Variants in GAPVD1 observed in about 807,000 individuals in gnomAD.
GAPVD1 encodes GTPase activating protein and VPS9 domains 1.
GAPVD1 carries 35 observed loss-of-function variants against 155.5 expected under a neutral mutation model. The observed-to-expected ratio is 0.23, with a 90% confidence interval of 0.17 to 0.30. The LOEUF is 0.30. Ranked by LOEUF, GAPVD1 falls within the 10% of genes least tolerant of loss-of-function variation. The pLI, the probability that GAPVD1 is intolerant of heterozygous loss-of-function variation, is 1.00. For missense variants in GAPVD1, 1,429 were observed against 1,775.7 expected (o/e 0.80, Z 3.51); for synonymous variants, 636 against 619.7 (o/e 1.03, Z -0.39).
chr9:125,332,424 T>C lies in GAPVD1; in HGVS notation c.2309-86T>C, dbSNP rs1049163783. On this transcript the variant is annotated intron_variant, in intron 14 of 27. Transcript: ENST00000297933. Reference sequence around the variant, plus strand: ...AGAACTGGGACACAAAATTCGAGAATGTTTCAGTTTCTCCAAATTTCATAT... The same window carrying C: ...AGAACTGGGACACAAAATTCGAGAACGTTTCAGTTTCTCCAAATTTCATAT... 2.0e-5 allele frequency: 22 copies of C among 1,097,626 alleles called. No individual in the cohort carries two copies. In the African/African-American group the frequency reaches 2.2e-4, roughly 11 times the overall value. 68.0% of individuals were successfully genotyped at this position (1,097,626 alleles called of 1,614,324 possible).
chr9:125,331,874 G>T, intron 13 of GAPVD1, 52 bp from the exon 14 acceptor site: 1 of 1,574,590 alleles, frequency 6.4e-7, no homozygotes, highest in Non-Finnish European at 8.7e-7. Flanking sequence ...AGCTGAAATT[G>T]TGGTGTGCTA....
At chr9:125,336,949 C>A in intron 15 of GAPVD1, 69 bp from the exon 16 acceptor site, 1 of 862,722 alleles carries the variant, frequency 1.2e-6, no homozygotes, top group East Asian at 2.4e-5. Context: ...TACTTAAAAC[C>A]CTTTAAACTG....
chr9:125,265,541 G>C (rs923663217), intron 1 of GAPVD1, among the ~76,000 whole-genome samples: 1 of 151,066 alleles, frequency 6.6e-6, no homozygotes, highest in East Asian at 2.0e-4. Flanking sequence ...CTCCCTCCTG[G>C]GCTGGGACTA....
chr9:125,345,038 C>T (rs569980006), intron 19 of GAPVD1, among the ~76,000 whole-genome samples: 2 of 152,164 alleles, frequency 1.3e-5, no homozygotes, highest in African/African-American at 2.4e-5. Context: ...CTTGCCCCCC[C>T]ACTTCATACC....
rs981169068 is a variant in GAPVD1 at position 125,338,549 on chromosome 9, C to T, written c.2877+958C>T. Reference sequence around the variant, plus strand: ...CTCAGTTTTTTCTTGACTCATATGACCTGGACGCTCTTGAAATTTACAGGC... The same window carrying T: ...CTCAGTTTTTTCTTGACTCATATGATCTGGACGCTCTTGAAATTTACAGGC... On this transcript the variant is annotated intron_variant, in intron 17 of 27. Transcript: ENST00000297933. 2.6e-5 allele frequency among the ~76,000 whole-genome samples: 4 copies of T among 152,170 alleles called. No homozygotes were observed. The South Asian group carries it at 6.2e-4, about 24-fold the overall frequency.
At chr9:125,322,221 C>A (rs920938808) in intron 10 of GAPVD1, among the ~76,000 whole-genome samples, 4 of 152,104 alleles carry the variant, frequency 2.6e-5, no homozygotes, top group Non-Finnish European at 1.5e-5. Context: ...CCCGCCACCA[C>A]GCCTGGCTAA....
At chr9:125,319,349 G>A (rs1488326494) in intron 9 of GAPVD1, among the ~76,000 whole-genome samples, 1 of 146,080 alleles carries the variant, frequency 6.8e-6, no homozygotes, top group Non-Finnish European at 1.5e-5. Flanking sequence ...ACTCCAGCCT[G>A]GGCGACAGAA....
At chr9:125,354,905 T>C (rs368652477) in intron 24 of GAPVD1, 64 bp downstream of exon 24, 2 of 1,162,008 alleles carry the variant, frequency 1.7e-6, no homozygotes, top group East Asian at 4.7e-5. Flanking sequence ...GATTTAGAAA[T>C]ACTGTTTTGT....
chr9:125,274,507 A>G (rs936441212), intron 2 of GAPVD1, among the ~76,000 whole-genome samples: 2 of 139,230 alleles, frequency 1.4e-5, no homozygotes. Flanking sequence ...CTTGTTGCCC[A>G]GGCTGGAGTG....
intron 2 of GAPVD1, among the ~76,000 whole-genome samples, chr9:125,276,655 C>T (rs1168285324): frequency 6.6e-6 from 1 of 152,200 alleles, no homozygotes; most frequent in Non-Finnish European, 1.5e-5. Context: ...CACCATTGCA[C>T]TCTAGCCTGG....
intron 10 of GAPVD1, 132 bp downstream of exon 10, chr9:125,321,694 A>G: frequency 2.6e-6 from 2 of 772,318 alleles, no homozygotes; most frequent in Non-Finnish European, 4.1e-6. Flanking sequence ...GATTTCCTCT[A>G]ATGAGCCTGA....
chr9:125,335,833 A>G (rs568820915), intron 15 of GAPVD1, among the ~76,000 whole-genome samples: 13 of 152,184 alleles, frequency 8.5e-5, no homozygotes, highest in African/African-American at 1.7e-4. Context: ...AACAAAAGCT[A>G]TTAGGGTCAG....
At position 125,350,300 on chromosome 9, in the gene GAPVD1, CA is replaced by C; in HGVS notation, c.3311del (p.Lys1104ArgfsTer3). ...PQDSAFSYRDAKKKLRLALCS... is the reference protein window; with the variant it reads ...PQDSAFSYRDXKKKLRLALCS... ...ATTTTCTACTCATTTTTCAGAGATG[CA>C]AAAAAGAAACTGAGGCTTGCTCTTT... On this transcript the variant is annotated frameshift_variant, in exon 22 of 28. Transcript: ENST00000297933. LOFTEE classifies it high-confidence loss of function. 1.9e-6 allele frequency: 3 copies of C among 1,575,648 alleles called. No homozygotes were observed. The highest frequency in any genetic ancestry group is 1.2e-5 in the South Asian group (1 of 84,620).
chr9:125,316,842 A>G (rs1311612774), intron 9 of GAPVD1, among the ~76,000 whole-genome samples: 1 of 152,182 alleles, frequency 6.6e-6, no homozygotes, highest in East Asian at 1.9e-4. Context: ...AGTTGAACTA[A>G]TTTACACTCC....
At chr9:125,277,143 T>C (rs796162926) in intron 2 of GAPVD1, among the ~76,000 whole-genome samples, 55 of 152,322 alleles carry the variant, frequency 3.6e-4, no homozygotes, top group African/African-American at 1.3e-3. Flanking sequence ...AATTGGAGCA[T>C]TGCTCTTTAT....
chr9:125,299,722 T>C (rs946528980), intron 4 of GAPVD1, among the ~76,000 whole-genome samples: 1 of 149,800 alleles, frequency 6.7e-6, no homozygotes, highest in African/African-American at 2.5e-5. Context: ...CTAATATTAT[T>C]TAATATATAG....
At chr9:125,314,573 G>A (rs1006069684) in intron 9 of GAPVD1, among the ~76,000 whole-genome samples, 4 of 151,960 alleles carry the variant, frequency 2.6e-5, no homozygotes, top group Admixed American at 2.6e-4. Flanking sequence ...AGAATCGCTT[G>A]AACCCGGGAC....
intron 2 of GAPVD1, among the ~76,000 whole-genome samples, chr9:125,278,381 C>T (rs1032568499): frequency 6.6e-6 from 1 of 151,608 alleles, no homozygotes; most frequent in African/African-American, 2.4e-5. Flanking sequence ...ATTAGCCGGA[C>T]GTGGTAGTGG....
intron 8 of GAPVD1, among the ~76,000 whole-genome samples, chr9:125,309,666 CTG>C (rs1842372336): frequency 6.6e-6 from 1 of 152,136 alleles, no homozygotes; most frequent in Non-Finnish European, 1.5e-5. Context: ...TATTTGCACT[CTG>C]TTCACATGAT....
Sources: gnomAD v4.1 joint callset for allele counts (sites outside exome capture counted in the v4.1 genomes callset) on GRCh38, gnomAD v4.1.1 for gene constraint, MANE v1.5 for transcripts, NCBI Gene and HGNC (gene_info 2026-07-23, HGNC 2026-07-21) for gene names.